CRYBA1: variants seen among roughly 807,000 people sequenced by gnomAD.
CRYBA1 encodes the protein beta-crystallin A3.
A neutral mutation model predicts 36.2 loss-of-function variants in CRYBA1; 25 were observed. The observed-to-expected ratio is 0.69, with a 90% CI of 0.50 to 0.97. The LOEUF is 0.97. CRYBA1 is among the 50% of genes least tolerant of loss of function. The pLI is 0.00. For missense variants in CRYBA1, 224 were observed against 276.3 expected (o/e 0.81, Z 1.34); for synonymous variants, 111 against 90.0 (o/e 1.23, Z -1.32).
Position 29,252,049 on chromosome 17 carries a change from A to G in CRYBA1, c.216-15A>G, listed in dbSNP as rs2068938788. 10 of 1,614,020 alleles carry G rather than the reference A, an allele frequency of 6.2e-6. No individual in the cohort carries two copies. Among genetic ancestry groups the G allele is most frequent in the South Asian group, 2.2e-5 (2 of 91,084 alleles). The stretch of plus-strand genomic sequence containing the variant: ...GCTTTGAACACCATGAACAAACACT[A>G]CATGTCTTTGGCAGCTGGATTGGTT... On this transcript the variant is annotated splice_polypyrimidine_tract_variant and intron_variant, in intron 3 of 5. Transcript: ENST00000225387.
At chr17:29,248,305 C>T (rs2068913771) in intron 1 of CRYBA1, among the ~76,000 whole-genome samples, 2 of 151,348 alleles carry the variant, frequency 1.3e-5, no homozygotes, top group Admixed American at 1.3e-4. Flanking sequence ...CACCTGAAAG[C>T]AAGTGAGAGG....
rs1305675554 is a variant in CRYBA1 at position 29,254,419 on chromosome 17, T to C, written c.*70T>C. 6 of 1,497,336 alleles carry C rather than the reference T, an allele frequency of 4.0e-6. No individual in the cohort carries two copies. Among genetic ancestry groups the C allele is most frequent in the Non-Finnish European group, 5.6e-6 (6 of 1,074,804 alleles). The allele number at this position is 1,497,336 out of a possible 1,614,324, so 92.8% of individuals were successfully genotyped here. A position where few individuals can be genotyped will look rare whatever the true frequency, so the allele number is the denominator to read the frequency against. On this transcript the variant is annotated 3_prime_UTR_variant, in exon 6 of 6. Coordinates refer to ENST00000225387, the MANE Select transcript of CRYBA1 (RefSeq NM_005208.5). ...TTGCTAAGCACTCTAGAATAAGTTT[T>C]ATGTTCTGCTCACAGACATTGCTTT...
At position 29,254,412 on chromosome 17, in the gene CRYBA1, TAA is replaced by T. The variant is rs1240701060; in HGVS notation, c.*64_*65del. ...TGAGACCTTGCTAAGCACTCTAGAATAAGTTTTATGTTCTGCTCACAGACATT... is the reference window on the plus strand; with the variant it reads ...TGAGACCTTGCTAAGCACTCTAGAATGTTTTATGTTCTGCTCACAGACATT... On this transcript the variant is annotated 3_prime_UTR_variant, in exon 6 of 6. Transcript: ENST00000225387. 10 of 1,548,728 alleles carry T rather than the reference TAA, an allele frequency of 6.5e-6. No individual in the cohort carries two copies. The highest frequency in any genetic ancestry group is 4.1e-5 in the African/African-American group (3 of 73,484).
chr17:29,254,076 G>A, intron 5 of CRYBA1, 126 bp from the exon 6 acceptor site: 1 of 1,062,780 alleles, frequency 9.4e-7, no homozygotes, highest in East Asian at 2.5e-5. Context: ...ACACATTTAG[G>A]ATGGCTATTT....
chr17:29,252,094 T>C lies in CRYBA1; in HGVS notation c.246T>C (p.Cys82=), dbSNP rs1478587698. The C allele has an allele frequency of 3.1e-6, 5 of 1,614,066 alleles. No homozygotes were observed. The East Asian group carries it at 1.1e-4, about 36-fold the overall frequency. The part of the protein sequence containing the change: ...AWIGYEHTSF[C]GQQFILERGE... ...TTGGTTATGAGCATACCAGCTTCTG[T>C]GGGCAACAGTTTATCCTGGAGAGAG... Residue 82 remains cysteine, a synonymous_variant, in exon 4 of 6, where the codon TGT becomes TGC. Transcript: ENST00000225387.
intron 3 of CRYBA1, 128 bp downstream of exon 3, chr17:29,250,428 G>C: frequency 2.7e-6 from 2 of 748,872 alleles, no homozygotes; most frequent in Admixed American, 1.8e-5. Context: ...GACAGGCCTC[G>C]AAAGAAATCA....
At chr17:29,253,808 A>G in intron 5 of CRYBA1, 26 bp downstream of exon 5, 1 of 1,613,880 alleles carries the variant, frequency 6.2e-7, no homozygotes, top group Non-Finnish European at 8.5e-7. Context: ...GGGTTGGAAT[A>G]TACTTCAAAG....
At chr17:29,250,046 G>A (rs1032798707) in intron 2 of CRYBA1, 136 bp from the exon 3 acceptor site, 2 of 754,060 alleles carry the variant, frequency 2.7e-6, no homozygotes, top group African/African-American at 1.7e-5. Context: ...TGTCTACACT[G>A]GAAGAGACCT....
rs754708731 is a variant in CRYBA1, at chr17:29,254,328, G to A, written c.627G>A (p.Ser209=). 4.3e-6 allele frequency: 7 copies of A among 1,614,116 alleles called. No homozygotes were observed. In the South Asian group the frequency reaches 5.5e-5, roughly 13 times the overall value. ...ATGCCCAGACTTCGCAGATCCAATC[G>A]ATTCGCCGAATCCAACAGTAGCTGA... ...GSHAQTSQIQ[S]IRRIQQ is the part of the protein sequence containing the mutation. The change falls in exon 6 of 6, where the codon TCG becomes TCA. Residue 209 remains serine (S), a synonymous_variant. Coordinates refer to ENST00000225387, the MANE Select transcript of CRYBA1 (RefSeq NM_005208.5).
rs2068927511 is a variant in CRYBA1, at chr17:29,250,261, G to C, written c.176G>C (p.Ser59Thr). 6.2e-7 allele frequency: 1 copy of C among 1,613,452 alleles called. No homozygotes were observed. Among genetic ancestry groups the C allele is most frequent in the African/African-American group, 1.3e-5 (1 of 74,930 alleles). Residue 59 changes from serine (S) to threonine (T), a missense_variant, in exon 3 of 6, where the codon AGT (serine) becomes ACT (threonine). Ser to Thr is a moderately conservative substitution (Grantham distance 58). Coordinates refer to ENST00000225387, the MANE Select transcript of CRYBA1 (RefSeq NM_005208.5). Reference protein sequence around the residue: ...TSSCPNVSERSFDNVRSLKVE... With the variant: ...TSSCPNVSERTFDNVRSLKVE... Reference sequence around the variant, plus strand: ...TCCTGTCCAAATGTCTCTGAGCGCAGTTTTGATAATGTCCGGTCCCTGAAG... The same window carrying C: ...TCCTGTCCAAATGTCTCTGAGCGCACTTTTGATAATGTCCGGTCCCTGAAG...
chr17:29,254,263 C>G lies in CRYBA1; in HGVS notation c.562C>G (p.His188Asp), dbSNP rs1202530624. 3 of 1,614,116 alleles carry G rather than the reference C, an allele frequency of 1.9e-6. No homozygotes were observed. Among genetic ancestry groups the G allele is most frequent in the South Asian group, 1.1e-5 (1 of 91,080 alleles). ...TCAGTATATCTTGGAATGTGACCAT[C>G]ATGGAGGAGACTATAAACATTGGAG... ...GYQYILECDHHGGDYKHWREW... is the reference protein window; with the variant it reads ...GYQYILECDHDGGDYKHWREW... Residue 188 changes from histidine (H) to aspartate (D), a missense_variant, in exon 6 of 6, where the codon CAT (histidine) becomes GAT (aspartate). Coordinates refer to ENST00000225387, the MANE Select transcript of CRYBA1 (RefSeq NM_005208.5).
rs369136256 is a variant in CRYBA1, at chr17:29,250,300, C to T, written c.215C>T (p.Ala72Val). 1.8e-5 allele frequency: 29 copies of T among 1,579,434 alleles called. No homozygotes were observed. Among genetic ancestry groups the T allele is most frequent in the East Asian group, 1.1e-4 (5 of 44,756 alleles). ...CGGTCCCTGAAGGTGGAAAGTGGCG[C>T]GTGAGTATGGACTTCCGCAGAACCG... The part of the protein sequence containing the change: ...NVRSLKVESG[A>V]WIGYEHTSFC... Residue 72 changes from alanine to valine, a missense_variant and splice_region_variant, in exon 3 of 6, where the codon GCC becomes GTC. Ala to Val is a moderately conservative substitution (Grantham distance 64). Coordinates refer to ENST00000225387, the MANE Select transcript of CRYBA1 (RefSeq NM_005208.5).
chr17:29,251,938 T>C, intron 3 of CRYBA1, 126 bp from the exon 4 acceptor site: 3 of 1,195,646 alleles, frequency 2.5e-6, no homozygotes, highest in South Asian at 2.5e-5. Flanking sequence ...AATTACTTTG[T>C]ACAGCTCTAC....
chr17:29,248,368 CTTT>C (rs1204290621), intron 1 of CRYBA1, among the ~76,000 whole-genome samples: 4 of 139,750 alleles, frequency 2.9e-5, no homozygotes, highest in Admixed American at 7.1e-5. Flanking sequence ...TGTTTTTTTT[CTTT>C]TTTTTTTTTT....
intron 1 of CRYBA1, 97 bp downstream of exon 1, chr17:29,246,991 C>G: frequency 7.4e-7 from 1 of 1,351,712 alleles, no homozygotes; most frequent in Non-Finnish European, 1.0e-6. Flanking sequence ...GTGTGTAGAG[C>G]CTTCTAGGGT....
chr17:29,250,189 T>A lies in CRYBA1; in HGVS notation c.104T>A (p.Ile35Asn). The A allele has an allele frequency of 6.4e-7, 1 of 1,568,716 alleles. No homozygotes were observed. The highest frequency in any genetic ancestry group is 1.1e-5 in the South Asian group (1 of 90,146). The stretch of plus-strand genomic sequence containing the variant: ...CATTCAATCTCATTTCAGATAACCA[T>A]CTATGATCAGGAGAACTTTCAGGGC... ...PGSLGPWKIT[I>N]YDQENFQGKR... The change falls in exon 3 of 6, where the codon ATC becomes AAC. Residue 35 changes from isoleucine (I) to asparagine (N), a missense_variant. Transcript: ENST00000225387.
At chr17:29,247,805 G>C (rs1308261884) in intron 1 of CRYBA1, among the ~76,000 whole-genome samples, 1 of 152,238 alleles carries the variant, frequency 6.6e-6, no homozygotes, top group South Asian at 2.1e-4. Context: ...GGCTGGGTAG[G>C]ATCTAGGAGA....
Position 29,249,242 on chromosome 17 carries a change from G to A in CRYBA1, c.96+36G>A, listed in dbSNP as rs367612557. 16 of 1,416,504 alleles carry A rather than the reference G, an allele frequency of 1.1e-5. 1 individual carries two copies. In the African/African-American group the frequency reaches 2.1e-4, roughly 19 times the overall value. 87.7% of individuals were successfully genotyped at this position (1,416,504 alleles called of 1,614,324 possible). On this transcript the variant is annotated intron_variant, in intron 2 of 5. Coordinates refer to ENST00000225387, the MANE Select transcript of CRYBA1 (RefSeq NM_005208.5). ...CCCCATCACATCCAACAGGGCAGGG[G>A]TGACATGCTGCACAGAGCAGGCCCC...
intron 1 of CRYBA1, among the ~76,000 whole-genome samples, chr17:29,247,111 G>A (rs1359096530): frequency 3.9e-5 from 6 of 152,246 alleles, no homozygotes; most frequent in Non-Finnish European, 7.3e-5. Context: ...GCTGGGGGAT[G>A]GGCATGGGCC....
Sources: gnomAD v4.1 joint callset for allele counts (sites outside exome capture counted in the v4.1 genomes callset) on GRCh38, gnomAD v4.1.1 for gene constraint, MANE v1.5 for transcripts, NCBI Gene and HGNC (gene_info 2026-07-23, HGNC 2026-07-21) for gene names.